Variants in CD247 observed in about 807,000 individuals in gnomAD.
CD247 encodes T-cell surface glycoprotein CD3 zeta chain.
Under a neutral mutation model 30.0 loss-of-function variants are expected in CD247, and 13 were observed. The observed-to-expected ratio is 0.43, with a 90% CI of 0.28 to 0.69. The LOEUF is 0.69. Among genes scored for constraint, CD247 ranks in the 30% least tolerant of loss-of-function variants. The pLI, the probability that CD247 is intolerant of heterozygous loss-of-function variation, is 0.16. For missense variants in CD247, 193 were observed against 212.6 expected (o/e 0.91, Z 0.57); for synonymous variants, 72 against 80.0 (o/e 0.90, Z 0.53).
At chr1:167,455,433 A>G (rs561004568) in intron 1 of CD247, among the ~76,000 whole-genome samples, 1 of 152,294 alleles carries the variant, frequency 6.6e-6, no homozygotes, top group South Asian at 2.1e-4. Flanking sequence ...CCTCCGCAAG[A>G]CAGAGAGGAG....
intron 1 of CD247, among the ~76,000 whole-genome samples, chr1:167,443,926 A>C (rs1339440706): frequency 6.6e-6 from 1 of 152,184 alleles, no homozygotes; most frequent in Non-Finnish European, 1.5e-5. Context: ...AGCTCCATGC[A>C]GGGATGCAGG....
At position 167,478,593 on chromosome 1, in the gene CD247, A is replaced by G. The variant is rs1041957761; in HGVS notation, c.59-37826T>C. Among the ~76,000 whole-genome samples the G allele has an allele frequency of 7.9e-5, 12 of 152,292 alleles. No individual in the cohort carries two copies. The East Asian group carries it at 1.9e-3, about 24-fold the overall frequency. ...TGGAGAGGCAGTAGTGTGGACAGGA[A>G]CGCAGAGTCTGGAGTCAGACTATTT... On this transcript the variant is annotated intron_variant, in intron 1 of 7. Transcript: ENST00000362089.
chr1:167,463,575 C>A (rs1295426297), intron 1 of CD247, among the ~76,000 whole-genome samples: 1 of 152,224 alleles, frequency 6.6e-6, no homozygotes, highest in African/African-American at 2.4e-5. Flanking sequence ...CATCTCCTTT[C>A]TCTTGATCCT....
chr1:167,473,183 T>C (rs549970784), intron 1 of CD247, among the ~76,000 whole-genome samples: 3 of 151,952 alleles, frequency 2.0e-5, no homozygotes, highest in Non-Finnish European at 4.4e-5. Flanking sequence ...AGAGCTGTGG[T>C]TCTGTGTTCA....
At chr1:167,457,051 G>A (rs1317912010) in intron 1 of CD247, among the ~76,000 whole-genome samples, 1 of 152,132 alleles carries the variant, frequency 6.6e-6, no homozygotes, top group African/African-American at 2.4e-5. Flanking sequence ...CGGCTTGGTG[G>A]GTGCTGATGC....
intron 1 of CD247, among the ~76,000 whole-genome samples, chr1:167,445,334 T>A (rs1444750582): frequency 6.6e-6 from 1 of 152,130 alleles, no homozygotes; most frequent in Non-Finnish European, 1.5e-5. Context: ...ACTGCCATGA[T>A]TTCTACTTTA....
chr1:167,439,515 C>T (rs1301701727), intron 2 of CD247, 115 bp from the exon 3 acceptor site: 2 of 875,024 alleles, frequency 2.3e-6, no homozygotes, highest in Non-Finnish European at 3.8e-6. Context: ...TGGCAACTAA[C>T]AATGCTGCCC....
intron 1 of CD247, among the ~76,000 whole-genome samples, chr1:167,460,461 T>A (rs1571545327): frequency 6.6e-6 from 1 of 152,208 alleles, no homozygotes; most frequent in African/African-American, 2.4e-5. Flanking sequence ...ATGTCTCAGA[T>A]GTTGAAGGGC....
intron 2 of CD247, chr1:167,439,658 T>G: frequency 2.2e-5 from 12 of 538,960 alleles, no homozygotes; most frequent in East Asian, 6.5e-5. Flanking sequence ...GAGTTTATTC[T>G]TCCCGGGCTA....
chr1:167,461,763 G>A (rs549790357), intron 1 of CD247, among the ~76,000 whole-genome samples: 8 of 152,194 alleles, frequency 5.3e-5, no homozygotes, highest in South Asian at 4.2e-4. Flanking sequence ...CAGGAGAATC[G>A]CTTGAACCTG....
chr1:167,502,732 G>A (rs948001108), intron 1 of CD247, among the ~76,000 whole-genome samples: 1 of 152,108 alleles, frequency 6.6e-6, no homozygotes, highest in Non-Finnish European at 1.5e-5. Flanking sequence ...GGGAAAAATT[G>A]GACACAGAGA....
chr1:167,506,099 C>A (rs959368216), intron 1 of CD247, among the ~76,000 whole-genome samples: 3 of 152,132 alleles, frequency 2.0e-5, no homozygotes, highest in African/African-American at 7.2e-5. Flanking sequence ...CTGGTAAAAT[C>A]CAGAAGTGGA....
Position 167,485,771 on chromosome 1 carries a change from A to G in CD247, c.58+32637T>C, listed in dbSNP as rs1408255543. Among the ~76,000 whole-genome samples, 8 of 152,174 alleles carry G rather than the reference A, an allele frequency of 5.3e-5. No individual in the cohort carries two copies. In the East Asian group the frequency reaches 1.5e-3, roughly 29 times the overall value. On this transcript the variant is annotated intron_variant, in intron 1 of 7. Transcript: ENST00000362089. ...CAGCCCCAAATCCAACCCACCAAGAATGGTGGGTATAATTCATCTTAACTA... is the reference window on the plus strand; with the variant it reads ...CAGCCCCAAATCCAACCCACCAAGAGTGGTGGGTATAATTCATCTTAACTA...
intron 1 of CD247, among the ~76,000 whole-genome samples, chr1:167,470,356 C>T (rs1653456254): frequency 1.3e-5 from 2 of 152,270 alleles, no homozygotes; most frequent in Middle Eastern, 3.4e-3. Context: ...CTAAGCAGAA[C>T]TCCTTATTTC....
At chr1:167,448,621 C>T in intron 1 of CD247, 3 of 734,564 alleles carry the variant, frequency 4.1e-6, no homozygotes, top group Non-Finnish European at 5.0e-6. Context: ...AGCTAATTTA[C>T]TGGCAACATA....
At chr1:167,508,136 A>G (rs1406627582) in intron 1 of CD247, among the ~76,000 whole-genome samples, 1 of 152,176 alleles carries the variant, frequency 6.6e-6, no homozygotes, top group Non-Finnish European at 1.5e-5. Flanking sequence ...GCTTGTGGCT[A>G]TAACTCTATT....
intron 1 of CD247, among the ~76,000 whole-genome samples, chr1:167,450,015 T>C (rs1652281550): frequency 6.6e-6 from 1 of 152,242 alleles, no homozygotes; most frequent in Non-Finnish European, 1.5e-5. Context: ...TCATATTTCA[T>C]GTTACTTTGT....
At chr1:167,468,475 G>C (rs1436695700) in intron 1 of CD247, among the ~76,000 whole-genome samples, 1 of 152,154 alleles carries the variant, frequency 6.6e-6, no homozygotes, top group African/African-American at 2.4e-5. Flanking sequence ...TGGGAGCTCT[G>C]ACATGAAGCC....
intron 1 of CD247, among the ~76,000 whole-genome samples, chr1:167,481,780 A>G (rs1463375394): frequency 6.6e-6 from 1 of 152,184 alleles, no homozygotes. Flanking sequence ...GGGCGGTCAC[A>G]GGACCATACC....
Sources: gnomAD v4.1 joint callset for allele counts (sites outside exome capture counted in the v4.1 genomes callset) on GRCh38, gnomAD v4.1.1 for gene constraint, MANE v1.5 for transcripts, NCBI Gene and HGNC (gene_info 2026-07-23, HGNC 2026-07-21) for gene names.